MEF2D: variants seen among roughly 807,000 people sequenced by gnomAD.
MEF2D encodes the protein myocyte enhancer factor 2D, also known as myocyte-specific enhancer factor 2D.
Under a neutral mutation model 59.3 loss-of-function variants are expected in MEF2D, and 10 were observed. The ratio of observed to expected loss-of-function variants is 0.17; its 90% CI spans 0.10 to 0.29. The LOEUF (loss-of-function observed/expected upper bound fraction) is 0.29. Among genes scored for constraint, MEF2D ranks in the 10% least tolerant of loss-of-function variants. The pLI is 1.00. For missense variants in MEF2D, 508 were observed against 699.4 expected (o/e 0.73, Z 3.09); for synonymous variants, 305 against 295.0 (o/e 1.03, Z -0.35).
chr1:156,486,918 T>C (rs1245711605), intron 1 of MEF2D, among the ~76,000 whole-genome samples: 1 of 152,206 alleles, frequency 6.6e-6, no homozygotes, highest in African/African-American at 2.4e-5. Context: ...GCAGTACCAG[T>C]TCCTCTCACT....
At chr1:156,476,899 G>A (rs1367971641) in intron 7 of MEF2D, 113 bp downstream of exon 7, 12 of 1,247,686 alleles carry the variant, frequency 9.6e-6, no homozygotes, top group Non-Finnish European at 1.1e-5. Context: ...GATTTATCTT[G>A]GGAAGTCCTA....
chr1:156,480,574 C>G (rs572958191), intron 4 of MEF2D: 1 of 1,469,510 alleles, frequency 6.8e-7, no homozygotes, highest in African/African-American at 1.4e-5. Flanking sequence ...CCCATCAGGG[C>G]AGCCGAGAGC....
chr1:156,489,366 G>C (rs950308630), intron 1 of MEF2D, among the ~76,000 whole-genome samples: 1 of 152,160 alleles, frequency 6.6e-6, no homozygotes. Context: ...GCTCACTAAC[G>C]AGGGAGGAGG....
chr1:156,480,919 T>A lies in MEF2D; in HGVS notation c.311A>T (p.Glu104Val). Residue 104 changes from glutamate to valine, a missense_variant, in exon 4 of 12, where the codon GAG (glutamate) becomes GTG (valine). Physicochemically the swap from Glu to Val is moderately radical, Grantham distance 121. Coordinates refer to ENST00000348159, the MANE Select transcript of MEF2D (RefSeq NM_005920.4). Reference protein sequence around the residue: ...NGCDSPEPDGEDSLEQSPLLE... With the variant: ...NGCDSPEPDGVDSLEQSPLLE... ...CAGGGGGCTCTGTTCCAGCGAGTCC[T>A]CCCCGTCGGGCTCGGGGCTGTCGCA... is the stretch of plus-strand genomic sequence containing the variant. The A allele has an allele frequency of 6.2e-7, 1 of 1,611,952 alleles. No individual in the cohort carries two copies. Among genetic ancestry groups the A allele is most frequent in the Non-Finnish European group, 8.5e-7 (1 of 1,179,668 alleles).
intron 1 of MEF2D, among the ~76,000 whole-genome samples, chr1:156,486,547 T>C (rs976408618): frequency 6.6e-6 from 1 of 152,206 alleles, no homozygotes. Flanking sequence ...CCACCTTTAG[T>C]TCATAACCGA....
rs1436189859 is a variant in MEF2D, at chr1:156,467,405, T to TG, written c.*239dup. On this transcript the variant is annotated 3_prime_UTR_variant, in exon 12 of 12. Transcript: ENST00000348159. ...AGAGCCCCCCAGCCAGTGAAAATGG[T>TG]GGGGGGTACAGAAAGAGGGGATGAG... 4 of 183,626 alleles carry TG rather than the reference T, an allele frequency of 2.2e-5. No individual in the cohort carries two copies. The highest frequency in any genetic ancestry group is 7.4e-5 in the African/African-American group (3 of 40,316). The allele number at this position is 183,626 out of a possible 1,614,324, so 11.4% of individuals were successfully genotyped here. A position where few individuals can be genotyped will look rare whatever the true frequency, so the allele number is the denominator to read the frequency against.
intron 1 of MEF2D, among the ~76,000 whole-genome samples, chr1:156,488,921 ACCTACCT>A (rs1672558358): frequency 2.0e-5 from 3 of 151,980 alleles, no homozygotes; most frequent in Non-Finnish European, 4.4e-5. Context: ...GCAGGGGAGT[ACCTACCT>A]GTCCTTCTCC....
At chr1:156,472,618 G>A (rs370871345) in intron 9 of MEF2D, among the ~76,000 whole-genome samples, 56 of 152,090 alleles carry the variant, frequency 3.7e-4, no homozygotes, top group African/African-American at 1.2e-3. Flanking sequence ...GTGCAACCTC[G>A]GCTCACCGCA....
At chr1:156,479,179 C>A in intron 6 of MEF2D, 111 bp downstream of exon 6, 1 of 866,072 alleles carries the variant, frequency 1.2e-6, no homozygotes, top group South Asian at 1.9e-5. Flanking sequence ...CCAGTCCTGG[C>A]CCTGGGATCT....
At chr1:156,467,710 G>T in intron 11 of MEF2D, 54 bp from the exon 12 acceptor site, 1 of 1,357,640 alleles carries the variant, frequency 7.4e-7, no homozygotes, top group Non-Finnish European at 9.6e-7. Flanking sequence ...CAGGCTTTGG[G>T]TATGCACCCC....
At chr1:156,477,635 C>T (rs963711902) in intron 6 of MEF2D, among the ~76,000 whole-genome samples, 2 of 152,192 alleles carry the variant, frequency 1.3e-5, no homozygotes, top group Non-Finnish European at 2.9e-5. Flanking sequence ...CCACCATGAC[C>T]AGGATGTGGA....
At chr1:156,479,541 C>T in intron 5 of MEF2D, 45 bp downstream of exon 5, 1 of 1,545,360 alleles carries the variant, frequency 6.5e-7, no homozygotes. Context: ...AAGTCCCCAT[C>T]ACATCTCATT....
chr1:156,491,693 G>A (rs1286338968), intron 1 of MEF2D, among the ~76,000 whole-genome samples: 1 of 152,200 alleles, frequency 6.6e-6, no homozygotes, highest in Non-Finnish European at 1.5e-5. Flanking sequence ...TCACTGTTTG[G>A]TCCCTGGTGG....
intron 1 of MEF2D, among the ~76,000 whole-genome samples, chr1:156,493,370 G>A (rs747891307): frequency 1.3e-4 from 20 of 152,202 alleles, no homozygotes; most frequent in Non-Finnish European, 2.2e-4. Context: ...TAAAGGGGCC[G>A]TTCAGGGCAA....
At chr1:156,474,551 T>G (rs970686163) in intron 9 of MEF2D, among the ~76,000 whole-genome samples, 1 of 152,188 alleles carries the variant, frequency 6.6e-6, no homozygotes. Context: ...CTGGGCACAG[T>G]CGGTAACACA....
intron 1 of MEF2D, among the ~76,000 whole-genome samples, chr1:156,487,614 A>C (rs1227703077): frequency 6.6e-6 from 1 of 152,242 alleles, no homozygotes; most frequent in Non-Finnish European, 1.5e-5. Context: ...AGGCAGGCAC[A>C]AAATACCCTA....
chr1:156,495,221 C>T (rs1673061599), intron 1 of MEF2D, among the ~76,000 whole-genome samples: 1 of 152,180 alleles, frequency 6.6e-6, no homozygotes, highest in Admixed American at 6.5e-5. Context: ...TTCAATTTCT[C>T]CTCCTCCTCT....
rs751571208 is a variant in MEF2D at position 156,477,151 on chromosome 1, T to C, written c.716A>G (p.Asn239Ser). 1.9e-6 allele frequency: 3 copies of C among 1,613,792 alleles called. No homozygotes were observed. The highest frequency in any genetic ancestry group is 2.2e-5 in the South Asian group (2 of 91,054). ...RASPGLLPVA[N>S]GNSLNKVIPA... ...GATGACCTTGTTTAGGCTGTTGCCA[T>C]TGGCCACAGGGAGGAGGCCAGGGGA... The change falls in exon 7 of 12, where the codon AAT becomes AGT. Residue 239 changes from asparagine to serine, a missense_variant. Physicochemically the swap from Asn to Ser is conservative, Grantham distance 46. This residue lies in a region of MEF2D where 481 missense variants were observed against 584.7 expected (regional missense o/e 0.82). Transcript: ENST00000348159.
intron 1 of MEF2D, among the ~76,000 whole-genome samples, chr1:156,498,711 C>T (rs1205299201): frequency 6.6e-6 from 1 of 151,214 alleles, no homozygotes; most frequent in Admixed American, 6.6e-5. Flanking sequence ...TTGGCGGGGG[C>T]AGGGGAGTTA....
Sources: allele counts gnomAD v4.1 joint callset (sites outside exome capture counted in the v4.1 genomes callset), GRCh38; gene constraint gnomAD v4.1.1; regional missense constraint gnomAD v4.1.1; transcripts MANE v1.5; gene names NCBI Gene and HGNC (gene_info 2026-07-23, HGNC 2026-07-21).